The following ZRANB1 variants were observed in gnomAD, a reference collection of about 807,000 sequenced individuals.
ZRANB1 encodes zinc finger RANBP2-type containing 1.
In ZRANB1, 16 loss-of-function variants were observed where a neutral mutation model predicts 80.5. That is an observed-to-expected ratio of 0.20 (90% CI 0.13 to 0.30). The LOEUF is 0.30. Among genes scored for constraint, ZRANB1 ranks in the 10% least tolerant of loss-of-function variants. The pLI is 1.00. For synonymous variants in ZRANB1, 291 were observed against 293.1 expected, an observed-to-expected ratio of 0.99 and a Z score of 0.07; for missense variants, 576 against 862.6, an observed-to-expected ratio of 0.67 and a Z score of 4.16.
chr10:124,966,621 T>C lies in ZRANB1; in HGVS notation c.842T>C (p.Ile281Thr). ...GTTGTAGAAGGTGATTTAGCTGCCA[T>C]AGAAGCATACAAGTCATCAGGAGGA... ...VGVVEGDLAA[I>T]EAYKSSGGDI... Residue 281 changes from isoleucine (I) to threonine (T), a missense_variant, in exon 2 of 9, where the codon ATA becomes ACA. Physicochemically the swap from Ile to Thr is moderately conservative, Grantham distance 89 (BLOSUM62 -1). Coordinates refer to ENST00000359653, the MANE Select transcript of ZRANB1 (RefSeq NM_017580.3). 2.5e-6 allele frequency: 4 copies of C among 1,614,082 alleles called. No homozygotes were observed. The highest frequency in any genetic ancestry group is 3.4e-6 in the Non-Finnish European group (4 of 1,179,972).
chr10:124,917,972 A>G, the ZRANB1 span, among the ~76,000 whole-genome samples: 1 of 152,192 alleles, frequency 6.6e-6, no homozygotes, highest in Non-Finnish European at 1.5e-5. Flanking sequence ...TAAGCCTGGA[A>G]GTTTGAACCG....
upstream of ZRANB1, among the ~76,000 whole-genome samples, chr10:124,939,122 G>A (rs1951512926): frequency 6.6e-6 from 1 of 152,058 alleles, no homozygotes; most frequent in South Asian, 2.1e-4. Flanking sequence ...GCTGCAGTGA[G>A]CCAAGATTGT....
Position 124,966,745 on chromosome 10 carries a change from T to C in ZRANB1, c.966T>C (p.Phe322=), listed in dbSNP as rs1951780214. The change falls in exon 2 of 9, where the codon TTT becomes TTC. Residue 322 remains phenylalanine (F), a synonymous_variant. Coordinates refer to ENST00000359653, the MANE Select transcript of ZRANB1 (RefSeq NM_017580.3). The part of the protein sequence containing the change: ...GYTLVHLAIR[F]QRQDMLAILL... ...CTCTTGTACACTTGGCTATACGTTTTCAGAGGCAGGATATGCTAGCAATAT... is the reference window on the plus strand; with the variant it reads ...CTCTTGTACACTTGGCTATACGTTTCCAGAGGCAGGATATGCTAGCAATAT... 1.2e-6 allele frequency: 2 copies of C among 1,614,056 alleles called. No individual in the cohort carries two copies. The highest frequency in any genetic ancestry group is 3.3e-5 in the Admixed American group (2 of 60,004).
chr10:124,966,908 A>G, intron 2 of ZRANB1, 127 bp downstream of exon 2: 1 of 841,812 alleles, frequency 1.2e-6, no homozygotes, highest in Non-Finnish European at 1.8e-6. Flanking sequence ...ACCCCCTTTT[A>G]AAAATAACAT....
chr10:124,938,654 A>G (rs75219240), upstream of ZRANB1, among the ~76,000 whole-genome samples: 50 of 152,082 alleles, frequency 3.3e-4, no homozygotes, highest in East Asian at 6.8e-3. Context: ...TTACTAAACA[A>G]CATTCCTGCA....
In ZRANB1 at chr10:124,983,114, T is replaced by C; in HGVS notation, c.1549-61T>C. On this transcript the variant is annotated intron_variant, in intron 6 of 8. Coordinates refer to ENST00000359653, the MANE Select transcript of ZRANB1 (RefSeq NM_017580.3). This position sits in a 1 kb window ranked among gnomAD's most constrained non-coding sequence, Gnocchi z 6.2. ...CTGAAGGGGAGGTAGTATTGTTTTT[T>C]ACACATCAGTTTTCCAGGAGTGGTA... is the stretch of plus-strand genomic sequence containing the variant. The C allele has an allele frequency of 1.3e-6, 2 of 1,549,694 alleles. No individual in the cohort carries two copies. Among genetic ancestry groups the C allele is most frequent in the Non-Finnish European group, 1.7e-6 (2 of 1,149,134 alleles).
At chr10:124,956,122 G>T (rs1292423306) in intron 1 of ZRANB1, among the ~76,000 whole-genome samples, 1 of 152,174 alleles carries the variant, frequency 6.6e-6, no homozygotes, top group Non-Finnish European at 1.5e-5. Context: ...ACTATGTCGC[G>T]TGATTCTTGA....
chr10:124,963,270 A>G (rs1390563020), intron 1 of ZRANB1, among the ~76,000 whole-genome samples: 3 of 151,048 alleles, frequency 2.0e-5, no homozygotes, highest in Admixed American at 6.6e-5. Flanking sequence ...TGTCTCAAAA[A>G]AAAAAAAAAA....
At chr10:124,979,761 T>C (rs1951916718) in intron 5 of ZRANB1, among the ~76,000 whole-genome samples, 1 of 152,228 alleles carries the variant, frequency 6.6e-6, no homozygotes, top group Non-Finnish European at 1.5e-5. Flanking sequence ...TTTCGGTACC[T>C]TTAATTGAAA....
intron 1 of ZRANB1, among the ~76,000 whole-genome samples, chr10:124,965,247 T>C (rs1951767299): frequency 6.6e-6 from 1 of 152,254 alleles, no homozygotes. Flanking sequence ...GCTACATTGC[T>C]GTGAAAATAA....
chr10:124,968,176 C>T (rs1951791983), intron 2 of ZRANB1, among the ~76,000 whole-genome samples: 1 of 152,184 alleles, frequency 6.6e-6, no homozygotes, highest in Non-Finnish European at 1.5e-5. Flanking sequence ...GGATTATAGG[C>T]ATGAGCCACC....
chr10:124,968,514 A>G (rs1951794903), intron 2 of ZRANB1, among the ~76,000 whole-genome samples: 1 of 152,200 alleles, frequency 6.6e-6, no homozygotes, highest in Admixed American at 6.5e-5. Flanking sequence ...ATAAGGGAGA[A>G]GGGAACTTTT....
intron 2 of ZRANB1, among the ~76,000 whole-genome samples, chr10:124,971,478 C>G (rs968679653): frequency 6.6e-6 from 1 of 152,192 alleles, no homozygotes; most frequent in Non-Finnish European, 1.5e-5. Context: ...GGCTTGAGGT[C>G]AGTGGGAACT....
Position 124,983,045 on chromosome 10 carries a change from C to A in ZRANB1, c.1549-130C>A. ...TTATTATTTGAGGAATCAAATGCTG[C>A]TTTGACAATCTTTTCTTTCTTAAAA... On this transcript the variant is annotated intron_variant, in intron 6 of 8. Transcript: ENST00000359653. This position sits in a 1 kb window ranked among gnomAD's most constrained non-coding sequence, Gnocchi z 6.2. 1 of 880,526 alleles carries A rather than the reference C, an allele frequency of 1.1e-6. No individual in the cohort carries two copies. Among genetic ancestry groups the A allele is most frequent in the Non-Finnish European group, 1.7e-6 (1 of 596,068 alleles). The allele number at this position is 880,526 out of a possible 1,614,324, so 54.5% of individuals were successfully genotyped here. A position where few individuals can be genotyped will look rare whatever the true frequency, so the allele number is the denominator to read the frequency against.
At chr10:124,966,815 T>C (rs754175643) in intron 2 of ZRANB1, 34 bp downstream of exon 2, 1 of 1,572,928 alleles carries the variant, frequency 6.4e-7, no homozygotes, top group Non-Finnish European at 8.7e-7. Context: ...TGTTCTTTTA[T>C]ATTAAAGAAA....
the ZRANB1 span, among the ~76,000 whole-genome samples, chr10:124,930,599 A>G: frequency 6.6e-6 from 1 of 152,234 alleles, no homozygotes; most frequent in South Asian, 2.1e-4. Context: ...AGAACTAGGT[A>G]TAAATATCAA....
chr10:124,981,651 T>C, intron 5 of ZRANB1, 58 bp from the exon 6 acceptor site: 2 of 1,442,206 alleles, frequency 1.4e-6, no homozygotes, highest in Non-Finnish European at 1.9e-6. Context: ...ATCAGAACTT[T>C]AAATGTTTTA....
At chr10:124,924,471 T>C in the ZRANB1 span, among the ~76,000 whole-genome samples, 1 of 152,162 alleles carries the variant, frequency 6.6e-6, no homozygotes, top group Non-Finnish European at 1.5e-5. Flanking sequence ...TCTGTACTCA[T>C]TAAGGAGTCA....
chr10:124,969,684 C>T (rs982696213), intron 2 of ZRANB1, among the ~76,000 whole-genome samples: 1 of 152,094 alleles, frequency 6.6e-6, no homozygotes, highest in Non-Finnish European at 1.5e-5. Flanking sequence ...AAATACTAAA[C>T]TAAATTTGTG....
Sources: allele counts gnomAD v4.1 joint callset (sites outside exome capture counted in the v4.1 genomes callset), GRCh38; gene constraint gnomAD v4.1.1; non-coding constraint Gnocchi (gnomAD v3.1); transcripts MANE v1.5; gene names NCBI Gene and HGNC (gene_info 2026-07-23, HGNC 2026-07-21).